Variants in FHIT observed in about 807,000 individuals in gnomAD.
FHIT encodes bis(5'-adenosyl)-triphosphatase.
Under a neutral mutation model 17.9 loss-of-function variants are expected in FHIT, and 19 were observed. The ratio of observed to expected loss-of-function variants is 1.06; its 90% CI spans 0.74 to 1.56. The LOEUF is 1.56. Ranked by LOEUF, FHIT falls within the 40% of genes most tolerant of loss-of-function variation. The pLI is 0.00. For synonymous variants in FHIT, 81 were observed against 69.7 expected (o/e 1.16, Z -0.81); for missense variants, 248 against 189.2 (o/e 1.31, Z -1.82).
chr3:60,396,214 A>G (rs1006600869), intron 5 of FHIT, among the ~76,000 whole-genome samples: 4 of 152,162 alleles, frequency 2.6e-5, no homozygotes, highest in African/African-American at 9.6e-5. Context: ...TTACTCCCTC[A>G]AAAAATAAAG....
chr3:60,154,731 T>G (rs921659436), intron 5 of FHIT, among the ~76,000 whole-genome samples: 2 of 152,202 alleles, frequency 1.3e-5, no homozygotes, highest in African/African-American at 2.4e-5. Flanking sequence ...AATTAATCAT[T>G]TTCTTCTACT....
intron 8 of FHIT, among the ~76,000 whole-genome samples, chr3:59,876,557 GTC>G (rs1277864540): frequency 3.3e-5 from 5 of 152,144 alleles, no homozygotes; most frequent in Non-Finnish European, 7.4e-5. Context: ...GCACAAAACA[GTC>G]TTCAAGAGAG....
chr3:60,455,038 C>T (rs1363284352), intron 5 of FHIT, among the ~76,000 whole-genome samples: 1 of 151,910 alleles, frequency 6.6e-6, no homozygotes, highest in Non-Finnish European at 1.5e-5. Flanking sequence ...GTATGAGTAC[C>T]TTGAGAATAT....
At chr3:61,062,506 C>G (rs1315795557) in intron 2 of FHIT, among the ~76,000 whole-genome samples, 1 of 152,098 alleles carries the variant, frequency 6.6e-6, no homozygotes, top group Non-Finnish European at 1.5e-5. Flanking sequence ...ATGGATGAAT[C>G]TCTTGAAACC....
At chr3:60,060,599 T>G (rs1046062988) in intron 5 of FHIT, among the ~76,000 whole-genome samples, 1 of 152,198 alleles carries the variant, frequency 6.6e-6, no homozygotes, top group African/African-American at 2.4e-5. Flanking sequence ...ATAAGTTACA[T>G]GAAAACTGTG....
chr3:59,801,756 T>G (rs1700001903), intron 8 of FHIT, among the ~76,000 whole-genome samples: 1 of 152,050 alleles, frequency 6.6e-6, no homozygotes, highest in Admixed American at 6.5e-5. Context: ...GAGTGAGGTT[T>G]CGAGTGGGTA....
At chr3:60,441,229 TATACC>T (rs1279290303) in intron 5 of FHIT, among the ~76,000 whole-genome samples, 3 of 152,136 alleles carry the variant, frequency 2.0e-5, no homozygotes, top group Admixed American at 6.6e-5. Flanking sequence ...ACTGATGAGC[TATACC>T]TTTGCCCTCT....
intron 8 of FHIT, among the ~76,000 whole-genome samples, chr3:59,772,538 G>C (rs1702119870): frequency 6.6e-6 from 1 of 152,218 alleles, no homozygotes; most frequent in Non-Finnish European, 1.5e-5. Context: ...GCACAGAGAG[G>C]TCGGGGAACT....
chr3:61,107,853 T>C (rs1266190728), intron 2 of FHIT, among the ~76,000 whole-genome samples: 1 of 152,232 alleles, frequency 6.6e-6, no homozygotes, highest in East Asian at 1.9e-4. Flanking sequence ...CTGGATTGGT[T>C]GCAGCTGGGC....
intron 3 of FHIT, among the ~76,000 whole-genome samples, chr3:60,933,358 A>C (rs9819076): frequency 0.6 from 90,990 of 151,994 alleles, 27,533 homozygotes; most frequent in East Asian, 0.69. Flanking sequence ...ATTTTAGTCC[A>C]ACATATGCAA....
chr3:61,096,799 G>C (rs1016290210), intron 2 of FHIT, among the ~76,000 whole-genome samples: 11 of 152,264 alleles, frequency 7.2e-5, no homozygotes, highest in African/African-American at 2.6e-4. Context: ...CTCAACTGAA[G>C]GGGTTGGGAA....
At chr3:60,786,309 A>T (rs1260958611) in intron 4 of FHIT, among the ~76,000 whole-genome samples, 1 of 152,198 alleles carries the variant, frequency 6.6e-6, no homozygotes, top group Non-Finnish European at 1.5e-5. Context: ...ATAACCAATA[A>T]GTAACTTATG....
chr3:61,227,276 T>C (rs778098707), intron 1 of FHIT, among the ~76,000 whole-genome samples: 11 of 152,154 alleles, frequency 7.2e-5, no homozygotes, highest in Non-Finnish European at 1.6e-4. Context: ...CTTATTTCAA[T>C]CCCTAGTTTA....
In FHIT at chr3:59,816,627, T is replaced by C. The variant is rs367979226; in HGVS notation, c.349-64306A>G. The stretch of plus-strand genomic sequence containing the variant: ...AGGAAAGTGGAGCATGAACTCACAA[T>C]AGAAGGTAGGAGCAGAGACAATCAA... On this transcript the variant is annotated intron_variant, in intron 8 of 9. Transcript: ENST00000492590. Among the ~76,000 whole-genome samples, 9 of 152,202 alleles carry C rather than the reference T, an allele frequency of 5.9e-5. No homozygotes were observed. In the South Asian group the frequency reaches 1.0e-3, roughly 18 times the overall value.
At chr3:59,908,557 A>C in intron 8 of FHIT, among the ~76,000 whole-genome samples, 1 of 152,154 alleles carries the variant, frequency 6.6e-6, no homozygotes, top group South Asian at 2.1e-4. Context: ...CCAAAGATGC[A>C]CACAAGGACC....
At chr3:61,100,957 T>C (rs979953395) in intron 2 of FHIT, among the ~76,000 whole-genome samples, 1 of 152,250 alleles carries the variant, frequency 6.6e-6, no homozygotes, top group African/African-American at 2.4e-5. Flanking sequence ...TTCTGGATAT[T>C]AGCCCTTTGT....
intron 4 of FHIT, among the ~76,000 whole-genome samples, chr3:60,744,246 T>TAAAAAAAAAAAAAAAAAACA (rs368982395): frequency 1.9e-4 from 6 of 30,914 alleles, no homozygotes; most frequent in Non-Finnish European, 3.2e-4. Context: ...GGAAGTAATG[T>TAAAAAAAAAAAAAAAAAACA]AAAAAAAAAA....
chr3:60,676,178 G>A (rs1408607826), intron 4 of FHIT, among the ~76,000 whole-genome samples: 2 of 152,190 alleles, frequency 1.3e-5, no homozygotes, highest in Non-Finnish European at 2.9e-5. Context: ...TTGCTGAGAT[G>A]CTTCCAGATG....
At chr3:60,343,505 G>T (rs1414687635) in intron 5 of FHIT, among the ~76,000 whole-genome samples, 1 of 152,138 alleles carries the variant, frequency 6.6e-6, no homozygotes, top group East Asian at 1.9e-4. Context: ...GAAAGGTGGT[G>T]TATTAAAGAT....
Sources: gnomAD v4.1 joint callset for allele counts (sites outside exome capture counted in the v4.1 genomes callset) on GRCh38, gnomAD v4.1.1 for gene constraint, MANE v1.5 for transcripts, NCBI Gene and HGNC (gene_info 2026-07-23, HGNC 2026-07-21) for gene names.